The following TCF4 variants were observed in gnomAD, a reference collection of about 807,000 sequenced individuals.
TCF4 encodes the protein transcription factor 4.
TCF4 carries 3 observed loss-of-function variants against 82.1 expected under a neutral mutation model. That is an observed-to-expected ratio of 0.04 (90% confidence interval 0.02 to 0.09). The LOEUF (loss-of-function observed/expected upper bound fraction) is 0.09. Ranked by LOEUF, TCF4 falls within the 10% of genes least tolerant of loss-of-function variation. TCF4 has a pLI of 1.00. For synonymous variants in TCF4, 276 were observed against 309.6 expected, an observed-to-expected ratio of 0.89 and a Z score of 1.14; for missense variants, 518 against 852.7, an observed-to-expected ratio of 0.61 and a Z score of 4.89.
intron 6 of TCF4, among the ~76,000 whole-genome samples, chr18:55,375,391 A>G (rs994957712): frequency 6.6e-6 from 1 of 152,096 alleles, no homozygotes; most frequent in Admixed American, 6.6e-5. Flanking sequence ...GAAGTGGTGG[A>G]TCATAAGAAA....
chr18:55,442,326 T>C (rs1013831399), intron 5 of TCF4, among the ~76,000 whole-genome samples: 1 of 152,204 alleles, frequency 6.6e-6, no homozygotes, highest in African/African-American at 2.4e-5. Context: ...TGGTCTTCAA[T>C]TTGATTTTTA....
intron 5 of TCF4, among the ~76,000 whole-genome samples, chr18:55,455,529 GAAAAAAA>G (rs201720174): frequency 0.041 from 4,781 of 116,872 alleles, 102 homozygotes; most frequent in Non-Finnish European, 0.06. Flanking sequence ...GGTGTTATTG[GAAAAAAA>G]AAAAAAAAAA....
At chr18:55,232,419 G>GA (rs1220630865) in intron 17 of TCF4, 90 bp downstream of exon 17, 2 of 1,503,528 alleles carry the variant, frequency 1.3e-6, no homozygotes, top group Non-Finnish European at 1.8e-6. Flanking sequence ...TACCTGCCAG[G>GA]AAAAAACTGA....
intron 3 of TCF4, among the ~76,000 whole-genome samples, chr18:55,528,857 C>A: frequency 6.6e-6 from 1 of 152,132 alleles, no homozygotes; most frequent in Non-Finnish European, 1.5e-5. Flanking sequence ...AGTAAAATCT[C>A]ATTCTTGACT....
Position 55,261,620 on chromosome 18 carries a change from T to C in TCF4, c.923-87A>G. 3.4e-6 allele frequency: 5 copies of C among 1,452,754 alleles called. No homozygotes were observed. In the South Asian group the frequency reaches 4.6e-5, roughly 13 times the overall value. The allele number at this position is 1,452,754 out of a possible 1,614,324, so 90.0% of individuals were successfully genotyped here. ...CCTGGTCCATTTACTCACAATTTAA[T>C]TGCATTTTTAATGCTAATTACAACA... is the stretch of plus-strand genomic sequence containing the variant. On this transcript the variant is annotated intron_variant, in intron 11 of 19. Transcript: ENST00000354452.
At chr18:55,341,758 G>A (rs2080021342) in intron 8 of TCF4, among the ~76,000 whole-genome samples, 2 of 152,196 alleles carry the variant, frequency 1.3e-5, no homozygotes, top group South Asian at 2.1e-4. Flanking sequence ...CGTAAAGGTG[G>A]TGACAAGTGA....
chr18:55,547,435 A>C (rs1006127165), intron 3 of TCF4, among the ~76,000 whole-genome samples: 23 of 152,184 alleles, frequency 1.5e-4, no homozygotes, highest in African/African-American at 5.5e-4. Flanking sequence ...ACATTTATTA[A>C]AATTTCTAGT....
intron 15 of TCF4, among the ~76,000 whole-genome samples, chr18:55,238,144 C>T (rs1423648750): frequency 2.0e-5 from 3 of 152,220 alleles, no homozygotes; most frequent in Non-Finnish European, 1.5e-5. Flanking sequence ...CTAAGCATGA[C>T]ATTTCGTCCC....
chr18:55,608,269 T>A (rs536960952), intron 2 of TCF4, among the ~76,000 whole-genome samples: 1 of 152,190 alleles, frequency 6.6e-6, no homozygotes, highest in East Asian at 1.9e-4. Flanking sequence ...TATTAAACAG[T>A]CACGTTAAAT....
At chr18:55,569,823 C>CTTTAGCATAAAGA in intron 3 of TCF4, among the ~76,000 whole-genome samples, 1 of 152,026 alleles carries the variant, frequency 6.6e-6, no homozygotes, top group Non-Finnish European at 1.5e-5. Flanking sequence ...CATAATAATT[C>CTTTAGCATAAAGA]TCCCAAAATT....
chr18:55,476,023 C>T (rs1237046827), intron 3 of TCF4, among the ~76,000 whole-genome samples: 1 of 152,178 alleles, frequency 6.6e-6, no homozygotes, highest in African/African-American at 2.4e-5. Context: ...TCCTAACAGG[C>T]TATTTGGTGC....
At chr18:55,278,593 G>C (rs1044616379) in intron 9 of TCF4, among the ~76,000 whole-genome samples, 2 of 151,990 alleles carry the variant, frequency 1.3e-5, no homozygotes, top group African/African-American at 4.8e-5. Context: ...TTTTGAGATG[G>C]AGTCTCGCTC....
At position 55,254,540 on chromosome 18, in the gene TCF4, C is replaced by G. The variant is rs758564063; in HGVS notation, c.1307G>C (p.Gly436Ala). 2 of 1,613,536 alleles carry G rather than the reference C, an allele frequency of 1.2e-6. No homozygotes were observed. The highest frequency in any genetic ancestry group is 1.7e-6 in the Non-Finnish European group (2 of 1,179,818). Residue 436 changes from glycine to alanine, a missense_variant, in exon 15 of 20, where the codon GGG becomes GCG. Gly to Ala is a moderately conservative substitution (Grantham distance 60). This residue lies in a region of TCF4 where 144 missense variants were observed against 190.2 expected (regional missense o/e 0.76). Transcript: ENST00000354452. The part of the protein sequence containing the change: ...HNGAMGGLGS[G>A]YGTGLLSANR... ...GGCTGAAAGAAGGCCGGTTCCATACCCTGAGCCCAGACCACCCATGGCTCC... is the reference window on the plus strand; with the variant it reads ...GGCTGAAAGAAGGCCGGTTCCATACGCTGAGCCCAGACCACCCATGGCTCC...
intron 3 of TCF4, among the ~76,000 whole-genome samples, chr18:55,522,874 A>G (rs2096944037): frequency 6.6e-6 from 1 of 152,142 alleles, no homozygotes; most frequent in African/African-American, 2.4e-5. Context: ...TGTACACTAC[A>G]GAAAATAAGC....
chr18:55,232,807 G>A, intron 16 of TCF4, 136 bp from the exon 17 acceptor site: 1 of 1,169,406 alleles, frequency 8.6e-7, no homozygotes, highest in Admixed American at 2.1e-5. Flanking sequence ...CCTGCTATCT[G>A]TTGAAGTTTC....
At chr18:55,302,304 A>G in intron 8 of TCF4, 5 of 939,504 alleles carry the variant, frequency 5.3e-6, no homozygotes, top group Non-Finnish European at 8.0e-6. Context: ...GGAAGACAGA[A>G]GTAGTGCAAA....
At chr18:55,402,317 G>A (rs1473227208) in intron 6 of TCF4, 12 of 783,986 alleles carry the variant, frequency 1.5e-5, no homozygotes, top group African/African-American at 3.8e-5. Flanking sequence ...TGTCTGGTAC[G>A]TAAAGGAAAC....
chr18:55,553,858 C>T (rs1006372533), intron 3 of TCF4, among the ~76,000 whole-genome samples: 3 of 151,910 alleles, frequency 2.0e-5, no homozygotes, highest in Admixed American at 2.0e-4. Flanking sequence ...TCAATGAATC[C>T]AATTTTTCCA....
At chr18:55,535,130 T>C (rs2097103420) in intron 3 of TCF4, among the ~76,000 whole-genome samples, 1 of 152,216 alleles carries the variant, frequency 6.6e-6, no homozygotes, top group Non-Finnish European at 1.5e-5. Context: ...GCATTAAGGT[T>C]ACCAATAACA....
Sources: allele counts gnomAD v4.1 joint callset (sites outside exome capture counted in the v4.1 genomes callset), GRCh38; gene constraint gnomAD v4.1.1; regional missense constraint gnomAD v4.1.1; transcripts MANE v1.5; gene names NCBI Gene and HGNC (gene_info 2026-07-23, HGNC 2026-07-21).